FADS2: variants seen among roughly 807,000 people sequenced by gnomAD.
FADS2 encodes the protein fatty acid desaturase 2.
FADS2 carries 18 observed loss-of-function variants against 61.2 expected under a neutral mutation model. The ratio of observed to expected loss-of-function variants is 0.29; its 90% CI spans 0.20 to 0.44. The LOEUF (loss-of-function observed/expected upper bound fraction) is 0.44, where lower values mean the gene tolerates loss of function less well. Among genes scored for constraint, FADS2 ranks in the 20% least tolerant of loss-of-function variants. FADS2 has a pLI of 1.00. For synonymous variants in FADS2, 203 were observed against 223.9 expected, an observed-to-expected ratio of 0.91 and a Z score of 0.83; for missense variants, 322 against 572.7, an observed-to-expected ratio of 0.56 and a Z score of 4.47.
chr11:61,840,037 T>C (rs1469144490), intron 2 of FADS2, among the ~76,000 whole-genome samples: 1 of 152,264 alleles, frequency 6.6e-6, no homozygotes, highest in African/African-American at 2.4e-5. Context: ...TTCTACCTTT[T>C]TCCTGATGTG....
chr11:61,844,688 G>A (rs894996911), intron 4 of FADS2, among the ~76,000 whole-genome samples: 13 of 152,130 alleles, frequency 8.5e-5, no homozygotes, highest in Admixed American at 6.6e-5. Context: ...CACTTTGGGA[G>A]GTTGAGGAGG....
chr11:61,856,875 G>T lies in FADS2; in HGVS notation c.745-136G>T, dbSNP rs1033657437. 4 of 764,562 alleles carry T rather than the reference G, an allele frequency of 5.2e-6. No individual in the cohort carries two copies. The African/African-American group carries it at 6.9e-5, about 13-fold the overall frequency. 47.4% of individuals were successfully genotyped at this position (764,562 alleles called of 1,614,324 possible). A position where few individuals can be genotyped will look rare whatever the true frequency, so the allele number is the denominator to read the frequency against. ...GGGGCCCCAGGCTTGGTGGGCCCAGGGTGCAGATTGACAGGAAAGGGACAG... is the reference window on the plus strand; with the variant it reads ...GGGGCCCCAGGCTTGGTGGGCCCAGTGTGCAGATTGACAGGAAAGGGACAG... On this transcript the variant is annotated intron_variant, in intron 5 of 11. Transcript: ENST00000278840.
At chr11:61,828,247 C>A, upstream of FADS2, 1 of 1,435,860 alleles carries the variant, frequency 7.0e-7, no homozygotes, top group Non-Finnish European at 9.1e-7. The surrounding 1 kb of genome is among the most constrained non-coding windows in gnomAD (Gnocchi z 6.4). Flanking sequence ...GGGGAGGGGG[C>A]GCGGTGGGAG....
rs532911286 is a variant in FADS2, at chr11:61,864,463, G to C, written c.1157+677G>C. On this transcript the variant is annotated intron_variant, in intron 10 of 11. Transcript: ENST00000278840. Reference sequence around the variant, plus strand: ...GACTGGAGGGCAGTGGCGCAATCTCGGCTCACTGCATCCTCCACCTACCAG... The same window carrying C: ...GACTGGAGGGCAGTGGCGCAATCTCCGCTCACTGCATCCTCCACCTACCAG... Among the ~76,000 whole-genome samples, 408 of 151,890 alleles carry C rather than the reference G, an allele frequency of 2.7e-3. 2 individuals are homozygous for C. Among genetic ancestry groups the C allele is most frequent in the African/African-American group, 9.3e-3 (383 of 41,404 alleles).
chr11:61,829,676 C>G (rs1488253826), intron 1 of FADS2, among the ~76,000 whole-genome samples: 1 of 152,108 alleles, frequency 6.6e-6, no homozygotes. Flanking sequence ...GAAAAAAGGT[C>G]TGATGGGATA....
intron 1 of FADS2, among the ~76,000 whole-genome samples, chr11:61,829,831 C>A (rs576332349): frequency 3.3e-5 from 5 of 152,152 alleles, no homozygotes; most frequent in Admixed American, 3.3e-4. Context: ...AACTTCCCCA[C>A]CTCTTGCATC....
chr11:61,851,668 C>A (rs2067308128), intron 5 of FADS2, among the ~76,000 whole-genome samples: 2 of 152,356 alleles, frequency 1.3e-5, no homozygotes, highest in East Asian at 1.9e-4. Context: ...GCGGCCAGGT[C>A]CCAGGGCCTC....
At chr11:61,855,880 C>G (rs182201245) in intron 5 of FADS2, 21 of 152,490 alleles carry the variant, frequency 1.4e-4, no homozygotes, top group Middle Eastern at 3.4e-3. Flanking sequence ...CTCTGGCCTT[C>G]GGATCCAGGG....
intron 1 of FADS2, among the ~76,000 whole-genome samples, chr11:61,832,590 T>TCA (rs1013398616): frequency 3.9e-5 from 6 of 152,334 alleles, no homozygotes; most frequent in African/African-American, 1.4e-4. Context: ...GGGGAGGCTC[T>TCA]CACTGCGGGG....
chr11:61,850,317 C>T (rs1032719506), intron 5 of FADS2, among the ~76,000 whole-genome samples: 3 of 152,098 alleles, frequency 2.0e-5, no homozygotes, highest in African/African-American at 7.2e-5. Flanking sequence ...GTGGCACGAT[C>T]TTGGCTCACT....
rs1214482727 is a variant in FADS2 at position 61,865,108 on chromosome 11, G to A, written c.1158-44G>A. 1.3e-6 allele frequency: 2 copies of A among 1,587,580 alleles called. No individual in the cohort carries two copies. Among genetic ancestry groups the A allele is most frequent in the East Asian group, 2.3e-5 (1 of 44,348 alleles). On this transcript the variant is annotated intron_variant, in intron 10 of 11. Transcript: ENST00000278840. This position sits in a 1 kb window ranked among gnomAD's most constrained non-coding sequence, Gnocchi z 4.1. ...GGTGGGAGGAAGCGGGAGCAGCATG[G>A]CCCTCTGAGTCCTCACGCTCTGCCC...
intron 4 of FADS2, chr11:61,847,572 C>A (rs985031936): frequency 1.3e-5 from 2 of 153,952 alleles, no homozygotes; most frequent in Non-Finnish European, 2.9e-5. Flanking sequence ...TGTTTTACGG[C>A]ACAGCCAAAT....
intron 5 of FADS2, among the ~76,000 whole-genome samples, chr11:61,851,889 A>C (rs2067310233): frequency 6.6e-6 from 1 of 152,250 alleles, no homozygotes; most frequent in African/African-American, 2.4e-5. Context: ...AGCAAAGTAT[A>C]TTCACTTTAC....
chr11:61,838,306 C>T (rs995357382), intron 2 of FADS2, among the ~76,000 whole-genome samples: 1 of 152,070 alleles, frequency 6.6e-6, no homozygotes, highest in East Asian at 1.9e-4. Flanking sequence ...CAGACGCCCC[C>T]CTGGGTGCTG....
intron 5 of FADS2, chr11:61,855,060 C>G (rs1351905274): frequency 6.6e-6 from 1 of 152,504 alleles, no homozygotes; most frequent in African/African-American, 2.4e-5. Flanking sequence ...AACAGGGTGC[C>G]TACTGTGCAC....
chr11:61,818,523 G>C (rs766858733), intron 1 of FADS2, among the ~76,000 whole-genome samples: 6 of 152,126 alleles, frequency 3.9e-5, no homozygotes, highest in Admixed American at 1.3e-4. Flanking sequence ...CAATTTAATA[G>C]CAAAAACTGG....
At position 61,867,137 on chromosome 11, in the gene FADS2, C is replaced by T. The variant is rs537337229; in HGVS notation, c.*1448C>T. 7 of 152,314 alleles carry T rather than the reference C, an allele frequency of 4.6e-5. No individual in the cohort carries two copies. The highest frequency in any genetic ancestry group is 1.4e-4 in the African/African-American group (6 of 41,516). The allele number at this position is 152,314 out of a possible 1,614,324, so 9.4% of individuals were successfully genotyped here. ...AGGCACCAACAACTCAGAATGGGGG[C>T]TTTCGGGGAGGGCGCCTAGTCCCCC... On this transcript the variant is annotated 3_prime_UTR_variant, in exon 12 of 12. Transcript: ENST00000278840.
chr11:61,856,925 G>A, intron 5 of FADS2, 86 bp from the exon 6 acceptor site: 2 of 1,048,860 alleles, frequency 1.9e-6, no homozygotes, highest in Middle Eastern at 2.1e-4. Context: ...CAGATAGAAG[G>A]GATGGTGGCT....
In FADS2 at chr11:61,816,408, C is replaced by T. The variant is rs777211354; in HGVS notation, c.123C>T (p.His41=). ...CTTTTCATCCCGCATCCGCAGGACACCCAATCACCGGGCAACAGGTATGAT... is the reference window on the plus strand; with the variant it reads ...CTTTTCATCCCGCATCCGCAGGACATCCAATCACCGGGCAACAGGTATGAT... Residue 41 remains histidine (H), a synonymous_variant, in exon 1 of 12, where the codon CAC becomes CAT. Coordinates refer to the FADS2 transcript ENST00000257261. This position sits in a 1 kb window ranked among gnomAD's most constrained non-coding sequence, Gnocchi z 7.0. 1.3e-6 allele frequency: 2 copies of T among 1,598,638 alleles called. No homozygotes were observed. The highest frequency in any genetic ancestry group is 2.2e-5 in the South Asian group (2 of 91,088).
Sources: allele counts gnomAD v4.1 joint callset (sites outside exome capture counted in the v4.1 genomes callset), GRCh38; gene constraint gnomAD v4.1.1; non-coding constraint Gnocchi (gnomAD v3.1); transcripts MANE v1.5; gene names NCBI Gene and HGNC (gene_info 2026-07-23, HGNC 2026-07-21).